The following SLC6A4 variants were observed in gnomAD, a reference collection of about 807,000 sequenced individuals.
SLC6A4 encodes sodium-dependent serotonin transporter.
In SLC6A4, 22 loss-of-function variants were observed where a neutral mutation model predicts 73.4. The observed-to-expected ratio is 0.30, with a 90% CI of 0.21 to 0.43. The LOEUF (loss-of-function observed/expected upper bound fraction) is 0.43, where lower values mean the gene tolerates loss of function less well. SLC6A4 is among the 20% of genes least tolerant of loss of function. SLC6A4 has a pLI of 1.00. For missense variants in SLC6A4, 593 were observed against 808.5 expected (o/e 0.73, Z 3.23); for synonymous variants, 270 against 315.5 (o/e 0.86, Z 1.53).
At position 30,198,214 on chromosome 17, in the gene SLC6A4, C is replaced by T. The variant is rs201053633; in HGVS notation, c.*242G>A. On this transcript the variant is annotated 3_prime_UTR_variant, in exon 15 of 15. Coordinates refer to ENST00000650711, the MANE Select transcript of SLC6A4 (RefSeq NM_001045.6). ...CATCACCTCCATCCACATCCTCACA[C>T]GTCCAAAATAGGCCAGCTCAGCTGT... 1.3e-4 allele frequency: 54 copies of T among 406,746 alleles called. No homozygotes were observed. Among genetic ancestry groups the T allele is most frequent in the South Asian group, 1.8e-4 (2 of 11,308 alleles). 25.2% of individuals were successfully genotyped at this position (406,746 alleles called of 1,614,324 possible).
chr17:30,231,173 A>G (rs567585079), intron 1 of SLC6A4, among the ~76,000 whole-genome samples: 2 of 152,258 alleles, frequency 1.3e-5, no homozygotes, highest in South Asian at 4.2e-4. Context: ...GGTTACGTAC[A>G]AGAAGGTCCT....
chr17:30,218,758 G>A, intron 4 of SLC6A4, 39 bp downstream of exon 4: 1 of 1,610,330 alleles, frequency 6.2e-7, no homozygotes, highest in Non-Finnish European at 8.5e-7. Flanking sequence ...CCCTTCCTGA[G>A]AGGCTCCACT....
chr17:30,219,363 C>T (rs538526028), intron 3 of SLC6A4, among the ~76,000 whole-genome samples: 18 of 152,288 alleles, frequency 1.2e-4, no homozygotes, highest in East Asian at 1.2e-3. Context: ...CCTCCTGAAG[C>T]GGAATCTCCA....
intron 8 of SLC6A4, among the ~76,000 whole-genome samples, chr17:30,214,422 CAAAAAAA>C (rs748274109): frequency 2.5e-5 from 2 of 79,534 alleles, no homozygotes; most frequent in African/African-American, 5.4e-5. Flanking sequence ...AACTCCGTCT[CAAAAAAA>C]AAAAAAAAAA....
intron 1 of SLC6A4, among the ~76,000 whole-genome samples, chr17:30,224,110 C>A (rs977751745): frequency 6.6e-6 from 1 of 152,160 alleles, no homozygotes; most frequent in Admixed American, 6.5e-5. Flanking sequence ...AAACAACTGA[C>A]GAACTTGAAG....
chr17:30,203,047 T>C (rs1458715701), intron 14 of SLC6A4, 125 bp downstream of exon 14: 1 of 740,008 alleles, frequency 1.4e-6, no homozygotes, highest in African/African-American at 1.8e-5. Flanking sequence ...CACAGGTACA[T>C]ACATATATAG....
Position 30,222,876 on chromosome 17 carries a change from G to A in SLC6A4, c.-181C>T. The A allele has an allele frequency of 3.1e-6, 4 of 1,296,000 alleles. No individual in the cohort carries two copies. Among genetic ancestry groups the A allele is most frequent in the Non-Finnish European group, 3.1e-6 (3 of 981,324 alleles). The allele number at this position is 1,296,000 out of a possible 1,614,324, so 80.3% of individuals were successfully genotyped here. ...CTGTGGCTAAGCCCCTTGTTATTCTGCAAGAGAGGGCAAGCAAGGTCGCCT... is the reference window on the plus strand; with the variant it reads ...CTGTGGCTAAGCCCCTTGTTATTCTACAAGAGAGGGCAAGCAAGGTCGCCT... On this transcript the variant is annotated 5_prime_UTR_variant, in exon 2 of 15. Transcript: ENST00000650711.
chr17:30,227,199 G>A (rs1219911472), intron 1 of SLC6A4, among the ~76,000 whole-genome samples: 2 of 152,210 alleles, frequency 1.3e-5, no homozygotes, highest in African/African-American at 2.4e-5. Context: ...TAAAATGGGG[G>A]CTCACGTTTG....
chr17:30,207,691 C>A (rs554512712), intron 13 of SLC6A4, 41 bp downstream of exon 13: 1 of 1,361,870 alleles, frequency 7.3e-7, no homozygotes, highest in South Asian at 1.2e-5. Context: ...TGGGGGAAGT[C>A]TTTCGCCAGG....
intron 13 of SLC6A4, chr17:30,203,699 T>C (rs1283164541): frequency 1.4e-5 from 3 of 218,678 alleles, no homozygotes; most frequent in African/African-American, 2.2e-5. Context: ...AATTTGGGCC[T>C]TGTCTTGCCA....
chr17:30,204,038 G>A (rs2143013465), intron 13 of SLC6A4, among the ~76,000 whole-genome samples: 1 of 152,338 alleles, frequency 6.6e-6, no homozygotes, highest in Middle Eastern at 3.4e-3. Context: ...ATCATGAAAG[G>A]AATTATGGAA....
chr17:30,215,758 C>T, intron 7 of SLC6A4, 44 bp from the exon 8 acceptor site: 1 of 1,530,978 alleles, frequency 6.5e-7, no homozygotes, highest in Non-Finnish European at 9.1e-7. Context: ...GGGGGAGACA[C>T]AGGCTTACCC....
At chr17:30,203,464 T>G (rs1906096984) in intron 13 of SLC6A4, 125 bp from the exon 14 acceptor site, 1 of 811,138 alleles carries the variant, frequency 1.2e-6, no homozygotes, top group Non-Finnish European at 2.0e-6. Flanking sequence ...CAAGATGTGA[T>G]ATATCCTGGA....
In SLC6A4 at chr17:30,217,253, G is replaced by A. The variant is rs1371283200; in HGVS notation, c.750C>T (p.Gly250=). 2 of 1,614,102 alleles carry A rather than the reference G, an allele frequency of 1.2e-6. No homozygotes were observed. Among genetic ancestry groups the A allele is most frequent in the Middle Eastern group, 1.6e-4 (1 of 6,062 alleles). Residue 250 remains glycine, a synonymous_variant, in exon 6 of 15, where the codon GGC becomes GGT. Transcript: ENST00000650711. ...TGCAGAGGGCCAGCTGCCAGCTGAT[G>A]CCCCCCAGGTCCTGGAGCCCCTTAG... is the stretch of plus-strand genomic sequence containing the variant. ...HRSKGLQDLG[G]ISWQLALCIM...
chr17:30,222,417 A>G (rs1474246736), intron 2 of SLC6A4, among the ~76,000 whole-genome samples: 1 of 152,208 alleles, frequency 6.6e-6, no homozygotes, highest in Non-Finnish European at 1.5e-5. Context: ...GTTTGCCAGC[A>G]GCTCAGAAGA....
chr17:30,220,799 TG>T (rs1178554168), intron 3 of SLC6A4, among the ~76,000 whole-genome samples: 1 of 151,870 alleles, frequency 6.6e-6, no homozygotes, highest in Non-Finnish European at 1.5e-5. Context: ...CACTTCTGGC[TG>T]GGGGAGGACA....
chr17:30,204,628 C>G (rs1303026133), intron 13 of SLC6A4: 2 of 152,172 alleles, frequency 1.3e-5, no homozygotes, highest in Non-Finnish European at 2.9e-5. Flanking sequence ...CTGGCCTCTA[C>G]TCGTACACAA....
intron 8 of SLC6A4, among the ~76,000 whole-genome samples, chr17:30,215,047 A>C (rs373347052): frequency 1.7e-3 from 66 of 39,768 alleles, no homozygotes; most frequent in East Asian, 0.013. Flanking sequence ...TTCTTTCTTT[A>C]TTTCTCTCTC....
chr17:30,226,664 C>T (rs1457400769), intron 1 of SLC6A4, among the ~76,000 whole-genome samples: 3 of 152,074 alleles, frequency 2.0e-5, no homozygotes, highest in African/African-American at 4.8e-5. Context: ...TGAGCCACTA[C>T]ACTTCAGCCT....
Sources: gnomAD v4.1 joint callset for allele counts (sites outside exome capture counted in the v4.1 genomes callset) on GRCh38, gnomAD v4.1.1 for gene constraint, MANE v1.5 for transcripts, NCBI Gene and HGNC (gene_info 2026-07-23, HGNC 2026-07-21) for gene names.